The following MIA variants were observed in gnomAD, a reference collection of about 807,000 sequenced individuals.
MIA encodes melanoma-derived growth regulatory protein.
MIA carries 18 observed loss-of-function variants against 18.5 expected under a neutral mutation model. The observed-to-expected ratio is 0.97, with a 90% CI of 0.67 to 1.44. MIA has a LOEUF of 1.44. Ranked by LOEUF, MIA falls within the 40% of genes most tolerant of loss-of-function variation. The probability of loss-of-function intolerance (pLI) is 0.00; values close to 1 mark genes in which losing one functional copy is unlikely to be tolerated. For synonymous variants in MIA, 55 were observed against 64.9 expected (o/e 0.85, Z 0.74); for missense variants, 158 against 172.4 (o/e 0.92, Z 0.47).
At chr19:40,775,938 T>C (rs768101236) in intron 2 of MIA, 53 bp downstream of exon 2, 5 of 1,590,078 alleles carry the variant, frequency 3.1e-6, no homozygotes, top group East Asian at 2.3e-5. Context: ...GGTAGACTCA[T>C]TATCCCCATG....
chr19:40,775,886 G>GT lies in MIA; in HGVS notation c.261+2dup. On this transcript the variant is annotated splice_donor_variant, in intron 2 of 3. Transcript: ENST00000263369. LOFTEE classifies it high-confidence loss of function. ...TGGGCGGCTCTTCTGGGGAGGCAGC[G>GT]TGAGTCTTGGGAGAGTGAAAGAGGG... 1 of 1,613,972 alleles carries GT rather than the reference G, an allele frequency of 6.2e-7. No homozygotes were observed. The highest frequency in any genetic ancestry group is 1.7e-5 in the Admixed American group (1 of 60,002).
At position 40,777,464 on chromosome 19, in the gene MIA, A is replaced by G; in HGVS notation, c.*44A>G. On this transcript the variant is annotated 3_prime_UTR_variant, in exon 4 of 4. Transcript: ENST00000263369. ...CCTGCCGTTTCCCCTCCTTGGCTTTATGCAAATACAATCAGCCCAGTGCAA... is the reference window on the plus strand; with the variant it reads ...CCTGCCGTTTCCCCTCCTTGGCTTTGTGCAAATACAATCAGCCCAGTGCAA... The G allele has an allele frequency of 3.9e-6, 6 of 1,550,912 alleles. No homozygotes were observed. Among genetic ancestry groups the G allele is most frequent in the South Asian group, 1.1e-5 (1 of 89,606 alleles).
chr19:40,775,361 C>T, upstream of MIA: 1 of 951,382 alleles, frequency 1.1e-6, no homozygotes, highest in Non-Finnish European at 1.6e-6. Flanking sequence ...ACAGCCTTTA[C>T]CCTATCCTTG....
At chr19:40,775,346 G>A (rs2082987867), upstream of MIA, 8 of 809,706 alleles carry the variant, frequency 9.9e-6, 1 homozygote, top group South Asian at 1.2e-4. Context: ...AATTTCCTTG[G>A]GCTTACAGCC....
intron 2 of MIA, among the ~76,000 whole-genome samples, 187 bp downstream of exon 2, chr19:40,776,072 G>T (rs2082994086): frequency 6.6e-6 from 1 of 152,070 alleles, no homozygotes; most frequent in Non-Finnish European, 1.5e-5. Context: ...TGTCACCCAG[G>T]CTGGAGTGCA....
Position 40,775,759 on chromosome 19 carries a change from C to G in MIA, c.135C>G (p.Ile45Met). ...CTTCTATTCCTTCCCTAGACCCTAT[C>G]TCCATGGCTGTGGCCCTTCAGGACT... Reference protein sequence around the residue: ...LCADQECSHPISMAVALQDYM... With the variant: ...LCADQECSHPMSMAVALQDYM... Residue 45 changes from isoleucine (I) to methionine (M), a missense_variant, in exon 2 of 4, where the codon ATC becomes ATG. Transcript: ENST00000263369. 6.2e-7 allele frequency: 1 copy of G among 1,614,150 alleles called. No individual in the cohort carries two copies.
intron 2 of MIA, among the ~76,000 whole-genome samples, chr19:40,776,467 C>T (rs117248593): frequency 0.018 from 2,693 of 152,096 alleles, 36 homozygotes; most frequent in Non-Finnish European, 0.025. Flanking sequence ...TAGCAGCAGC[C>T]GGGCACAGTA....
At chr19:40,775,975 G>T in intron 2 of MIA, 90 bp downstream of exon 2, 1 of 1,484,310 alleles carries the variant, frequency 6.7e-7, no homozygotes. Context: ...GGGGTGAACT[G>T]AAATAGACAT....
upstream of MIA, chr19:40,775,511 C>A (rs757931883): frequency 2.5e-6 from 4 of 1,613,206 alleles, no homozygotes; most frequent in African/African-American, 5.3e-5. Context: ...ACCCCAGCAC[C>A]CCCTTGCTCA....
At chr19:40,775,918 A>G (rs1157602008) in intron 2 of MIA, 33 bp downstream of exon 2, 3 of 1,612,474 alleles carry the variant, frequency 1.9e-6, no homozygotes, top group African/African-American at 1.3e-5. Flanking sequence ...AGGGAAGGGT[A>G]CAGAGCTGGG....
At chr19:40,775,511 C>T, upstream of MIA, 2 of 1,613,324 alleles carry the variant, frequency 1.2e-6, no homozygotes, top group Non-Finnish European at 1.7e-6. Flanking sequence ...ACCCCAGCAC[C>T]CCCTTGCTCA....
intron 2 of MIA, among the ~76,000 whole-genome samples, chr19:40,776,269 C>G (rs1221396841): frequency 6.6e-6 from 1 of 152,112 alleles, no homozygotes; most frequent in Non-Finnish European, 1.5e-5. Flanking sequence ...TCATGATCTG[C>G]CCGCCTTGGC....
intron 2 of MIA, 156 bp from the exon 3 acceptor site, chr19:40,776,813 G>C (rs535744653): frequency 3.1e-5 from 18 of 580,072 alleles, no homozygotes; most frequent in African/African-American, 3.0e-4. Context: ...TGGGTGTTCA[G>C]AAAGGGCCTC....
intron 2 of MIA, among the ~76,000 whole-genome samples, chr19:40,776,129 C>T (rs1278443924): frequency 4.0e-5 from 6 of 149,902 alleles, no homozygotes; most frequent in African/African-American, 9.8e-5. Context: ...TGGGTTTAAG[C>T]GATTCTCCTG....
At chr19:40,776,134 C>G (rs1423134968) in intron 2 of MIA, among the ~76,000 whole-genome samples, 1 of 152,186 alleles carries the variant, frequency 6.6e-6, no homozygotes, top group Non-Finnish European at 1.5e-5. Flanking sequence ...TTAAGCGATT[C>G]TCCTGCCTCA....
At chr19:40,776,915 C>A in intron 2 of MIA, 54 bp from the exon 3 acceptor site, 1 of 1,255,520 alleles carries the variant, frequency 8.0e-7, no homozygotes, top group Non-Finnish European at 1.2e-6. Flanking sequence ...AGGCCTTCAG[C>A]AGGCACAAGC....
rs2083003421 is a variant in MIA, at chr19:40,777,148, G to T, written c.372+69G>T. 5 of 1,381,184 alleles carry T rather than the reference G, an allele frequency of 3.6e-6. No individual in the cohort carries two copies. In the African/African-American group the frequency reaches 7.1e-5, roughly 20 times the overall value. 85.6% of individuals were successfully genotyped at this position (1,381,184 alleles called of 1,614,324 possible). A position where few individuals can be genotyped will look rare whatever the true frequency, so the allele number is the denominator to read the frequency against. On this transcript the variant is annotated intron_variant, in intron 3 of 3. Coordinates refer to ENST00000263369, the MANE Select transcript of MIA (RefSeq NM_006533.4). ...TTAGGTTGTGGGGATGGGCAAAAAT[G>T]CTCCCACACTTGGCTCCCTGGCAGC...
At chr19:40,775,496 T>G, upstream of MIA, 1 of 1,611,422 alleles carries the variant, frequency 6.2e-7, no homozygotes, top group Non-Finnish European at 8.5e-7. Context: ...GGGAGGAAAT[T>G]GGAGACCCCA....
intron 2 of MIA, 100 bp from the exon 3 acceptor site, chr19:40,776,869 C>T: frequency 2.7e-6 from 2 of 738,640 alleles, no homozygotes; most frequent in Middle Eastern, 2.4e-4. Flanking sequence ...AAGGATGGAG[C>T]AGTTATGTGG....
Sources: gnomAD v4.1 joint callset for allele counts (sites outside exome capture counted in the v4.1 genomes callset) on GRCh38, gnomAD v4.1.1 for gene constraint, MANE v1.5 for transcripts, NCBI Gene and HGNC (gene_info 2026-07-23, HGNC 2026-07-21) for gene names.